VTI1A: variants seen among roughly 807,000 people sequenced by gnomAD.
VTI1A encodes the protein vesicle transport through interaction with t-SNAREs homolog 1A.
VTI1A carries 22 observed loss-of-function variants against 34.9 expected under a neutral mutation model. That is an observed-to-expected ratio of 0.63 (90% CI 0.45 to 0.90). VTI1A has a LOEUF of 0.90. Ranked by LOEUF, VTI1A falls within the 40% of genes least tolerant of loss-of-function variation. The pLI is 0.00. For missense variants in VTI1A, 268 were observed against 275.6 expected, an observed-to-expected ratio of 0.97 and a Z score of 0.20; for synonymous variants, 87 against 97.3, an observed-to-expected ratio of 0.89 and a Z score of 0.62.
chr10:112,574,817 GT>G (rs2030823116), intron 5 of VTI1A, among the ~76,000 whole-genome samples: 2 of 152,214 alleles, frequency 1.3e-5, no homozygotes, highest in Admixed American at 6.5e-5. Flanking sequence ...CTAATTATGT[GT>G]TTACCCAATG....
chr10:112,578,012 C>A (rs542876521), intron 5 of VTI1A, among the ~76,000 whole-genome samples: 1 of 152,142 alleles, frequency 6.6e-6, no homozygotes, highest in Non-Finnish European at 1.5e-5. Context: ...GAAAAAAGTC[C>A]GGAAATACTA....
chr10:112,619,063 G>GTTTT (rs34173451), intron 5 of VTI1A, among the ~76,000 whole-genome samples: 2 of 146,178 alleles, frequency 1.4e-5, no homozygotes, highest in Non-Finnish European at 1.5e-5. Context: ...AGTAAACACA[G>GTTTT]TTTTTTTTTT....
chr10:112,717,748 G>T (rs7896021), intron 7 of VTI1A, among the ~76,000 whole-genome samples: 13,438 of 152,090 alleles, frequency 0.088, 1,543 homozygotes, highest in African/African-American at 0.27. Flanking sequence ...CAAGACAGTC[G>T]CAAGGGCCTG....
intron 5 of VTI1A, among the ~76,000 whole-genome samples, chr10:112,585,394 T>C (rs1023062570): frequency 6.6e-6 from 1 of 152,224 alleles, no homozygotes; most frequent in Non-Finnish European, 1.5e-5. Context: ...CTTGTTACTT[T>C]TTTTTTGCAC....
At position 112,691,838 on chromosome 10, in the gene VTI1A, T is replaced by C. The variant is rs183107218; in HGVS notation, c.560+22840T>C. On this transcript the variant is annotated intron_variant, in intron 7 of 7. Transcript: ENST00000393077. ...ATGGTAAAATCCTCCCTTGAATGGA[T>C]GGATTCAGACCAAAATCTGAATTCA... Among the ~76,000 whole-genome samples, 994 of 152,312 alleles carry C rather than the reference T, an allele frequency of 6.5e-3. 5 individuals carry two copies. Among genetic ancestry groups the C allele is most frequent in the Non-Finnish European group, 0.011 (747 of 68,014 alleles).
At position 112,466,940 on chromosome 10, in the gene VTI1A, G is replaced by A. The variant is rs565293532; in HGVS notation, c.264+2283G>A. 5.3e-5 allele frequency among the ~76,000 whole-genome samples: 8 copies of A among 152,090 alleles called. No homozygotes were observed. In the South Asian group the frequency reaches 6.2e-4, roughly 12 times the overall value. ...GTCTTCATATGTCTTCCCTCTTCAC[G>A]TTTCCATGTCCCTATTTCCTCATAT... On this transcript the variant is annotated intron_variant, in intron 3 of 7. Transcript: ENST00000393077.
intron 5 of VTI1A, among the ~76,000 whole-genome samples, chr10:112,635,138 G>C (rs913227581): frequency 6.6e-6 from 1 of 152,188 alleles, no homozygotes; most frequent in South Asian, 2.1e-4. Flanking sequence ...GCCAGGCACT[G>C]TGCTCATTAT....
chr10:112,741,100 T>C (rs1374368213), intron 7 of VTI1A, among the ~76,000 whole-genome samples: 1 of 152,174 alleles, frequency 6.6e-6, no homozygotes, highest in Admixed American at 6.6e-5. Flanking sequence ...GAATAACTAA[T>C]CTATAGAGAC....
intron 7 of VTI1A, among the ~76,000 whole-genome samples, chr10:112,805,132 G>A (rs1193398225): frequency 6.6e-6 from 1 of 151,848 alleles, no homozygotes; most frequent in Non-Finnish European, 1.5e-5. Flanking sequence ...TCCCAAATGT[G>A]TGGAGATTAC....
Position 112,581,759 on chromosome 10 carries a change from A to T in VTI1A, c.427+43429A>T, listed in dbSNP as rs1019732693. Among the ~76,000 whole-genome samples the T allele has an allele frequency of 2.6e-5, 4 of 152,288 alleles. No homozygotes were observed. The South Asian group carries it at 8.3e-4, about 32-fold the overall frequency. ...TCATCAATGGCAGAATTTAAGGGGCAAATTGAAGAGGGAGGACACTAGCCA... is the reference window on the plus strand; with the variant it reads ...TCATCAATGGCAGAATTTAAGGGGCTAATTGAAGAGGGAGGACACTAGCCA... On this transcript the variant is annotated intron_variant, in intron 5 of 7. Transcript: ENST00000393077.
At chr10:112,733,943 G>C (rs1345633601) in intron 7 of VTI1A, among the ~76,000 whole-genome samples, 1 of 151,692 alleles carries the variant, frequency 6.6e-6, no homozygotes, top group Non-Finnish European at 1.5e-5. Flanking sequence ...GTAGAGACAG[G>C]GTTTCACCAT....
the VTI1A span, chr10:112,824,943 T>C: frequency 1.3e-5 from 2 of 152,244 alleles, no homozygotes; most frequent in Admixed American, 6.5e-5. Flanking sequence ...TAGAACCTTC[T>C]AGAAGACCAC....
intron 5 of VTI1A, among the ~76,000 whole-genome samples, chr10:112,559,248 C>G (rs1851636877): frequency 6.6e-6 from 1 of 152,170 alleles, no homozygotes; most frequent in Non-Finnish European, 1.5e-5. Context: ...CTGATGTGCA[C>G]TGATTCCGTT....
chr10:112,603,383 G>T (rs1844953795), intron 5 of VTI1A, among the ~76,000 whole-genome samples: 1 of 152,182 alleles, frequency 6.6e-6, no homozygotes, highest in African/African-American at 2.4e-5. Context: ...AGCAGAGGTA[G>T]GAAGGGTTTT....
chr10:112,687,292 G>C (rs1204199944), intron 7 of VTI1A, among the ~76,000 whole-genome samples: 1 of 134,434 alleles, frequency 7.4e-6, no homozygotes, highest in East Asian at 2.2e-4. Context: ...GGAGTGCAGT[G>C]GCGCGATCTC....
intron 5 of VTI1A, among the ~76,000 whole-genome samples, chr10:112,559,593 A>AC (rs1355458882): frequency 1.3e-5 from 2 of 151,672 alleles, no homozygotes; most frequent in Admixed American, 6.6e-5. Flanking sequence ...CCCTACATGC[A>AC]CCCCCCAGTG....
chr10:112,508,153 C>T (rs982132450), intron 3 of VTI1A, among the ~76,000 whole-genome samples: 24 of 152,142 alleles, frequency 1.6e-4, no homozygotes, highest in Admixed American at 1.4e-3. Flanking sequence ...CTGAACAAAC[C>T]GTTTCTAGGA....
intron 7 of VTI1A, among the ~76,000 whole-genome samples, chr10:112,713,674 A>G (rs1849507195): frequency 6.6e-6 from 1 of 152,250 alleles, no homozygotes; most frequent in Non-Finnish European, 1.5e-5. Flanking sequence ...AATTATACAT[A>G]GTCAAAGAAA....
intron 5 of VTI1A, among the ~76,000 whole-genome samples, chr10:112,631,305 A>T (rs1026654298): frequency 1.3e-5 from 2 of 152,202 alleles, no homozygotes; most frequent in African/African-American, 4.8e-5. Flanking sequence ...TAAAATGTAC[A>T]CATCAGTGAC....
Sources: gnomAD v4.1 joint callset for allele counts (sites outside exome capture counted in the v4.1 genomes callset) on GRCh38, gnomAD v4.1.1 for gene constraint, MANE v1.5 for transcripts, NCBI Gene and HGNC (gene_info 2026-07-23, HGNC 2026-07-21) for gene names.